Variants in AGO2 observed in about 807,000 individuals in gnomAD.
AGO2 encodes the protein protein argonaute-2.
A neutral mutation model predicts 102.3 loss-of-function variants in AGO2; 5 were observed. The ratio of observed to expected loss-of-function variants is 0.05; its 90% CI spans 0.03 to 0.10. AGO2 has a LOEUF of 0.10. Among genes scored for constraint, AGO2 ranks in the 10% least tolerant of loss-of-function variants. The pLI, the probability that AGO2 is intolerant of heterozygous loss-of-function variation, is 1.00. For missense variants in AGO2, 541 were observed against 1,183.7 expected, an observed-to-expected ratio of 0.46 and a Z score of 7.97; for synonymous variants, 449 against 473.1, an observed-to-expected ratio of 0.95 and a Z score of 0.66.
chr8:140,570,216 G>A (rs1311546839), intron 3 of AGO2, among the ~76,000 whole-genome samples: 2 of 152,194 alleles, frequency 1.3e-5, no homozygotes, highest in Non-Finnish European at 2.9e-5. Context: ...TCTGGGACAT[G>A]AGCTTTTCTT....
At chr8:140,631,254 G>A (rs867803679) in intron 1 of AGO2, among the ~76,000 whole-genome samples, 1 of 152,138 alleles carries the variant, frequency 6.6e-6, no homozygotes, top group South Asian at 2.1e-4. Context: ...GATTTTAAAA[G>A]ACGTAGGCCG....
chr8:140,578,577 G>A (rs1385321468), intron 2 of AGO2, among the ~76,000 whole-genome samples: 2 of 152,238 alleles, frequency 1.3e-5, no homozygotes, highest in African/African-American at 4.8e-5. Context: ...CAGCTCTGCT[G>A]GCCACCCAGG....
chr8:140,625,700 A>G (rs1261016239), intron 1 of AGO2, among the ~76,000 whole-genome samples: 1 of 151,964 alleles, frequency 6.6e-6, no homozygotes, highest in Non-Finnish European at 1.5e-5. Flanking sequence ...CGCATCCCCG[A>G]CCAGATCCTG....
In AGO2 at chr8:140,539,471, G is replaced by C; in HGVS notation, c.2035-17C>G. ...GTGGAGAACCTAGGGGTACGGGAGG[G>C]AGGAGGTTGTGCTTAAAGATGGTAG... On this transcript the variant is annotated splice_polypyrimidine_tract_variant and intron_variant, in intron 15 of 18. Coordinates refer to ENST00000220592, the MANE Select transcript of AGO2 (RefSeq NM_012154.5). The surrounding 1 kb of genome is among the most constrained non-coding windows in gnomAD (Gnocchi z 4.7). The C allele has an allele frequency of 6.2e-7, 1 of 1,603,176 alleles. No individual in the cohort carries two copies.
chr8:140,555,990 G>A lies in AGO2; in HGVS notation c.1175C>T (p.Pro392Leu). ...LMRSASFNTD[P>L]YVREFGIMVK... ...CATGATTCCAAATTCACGGACGTAT[G>A]GATCTGTGTTGAAACTTGCACTTCG... The change falls in exon 10 of 19, where the codon CCA becomes CTA. Residue 392 changes from proline (P) to leucine (L), a missense_variant. By Grantham distance (98) the Pro-to-Leu change is moderately conservative. Transcript: ENST00000220592. The A allele has an allele frequency of 6.2e-7, 1 of 1,614,198 alleles. No homozygotes were observed. The highest frequency in any genetic ancestry group is 8.5e-7 in the Non-Finnish European group (1 of 1,180,036).
upstream of AGO2, among the ~76,000 whole-genome samples, chr8:140,639,976 T>C (rs1224230881): frequency 6.6e-6 from 1 of 152,056 alleles, no homozygotes; most frequent in Admixed American, 6.6e-5. Context: ...GTACTTCATT[T>C]TGGCCCTCTG....
chr8:140,549,043 G>T (rs1314747388), intron 12 of AGO2, 71 bp downstream of exon 12: 51 of 1,508,928 alleles, frequency 3.4e-5, no homozygotes, highest in Non-Finnish European at 4.4e-5. Context: ...ACACAGAGGG[G>T]CTTAGGCAGG....
intron 1 of AGO2, among the ~76,000 whole-genome samples, chr8:140,594,825 C>CTGTGTGTGTGTGTGTG (rs56012516): frequency 0.078 from 11,383 of 145,940 alleles, 578 homozygotes; most frequent in Admixed American, 0.15. Context: ...AAGAAAAAAA[C>CTGTGTGTGTGTGTGTG]TGTGTGTGTG....
At chr8:140,580,117 G>C (rs1027592649) in intron 2 of AGO2, among the ~76,000 whole-genome samples, 1 of 152,214 alleles carries the variant, frequency 6.6e-6, no homozygotes, top group Non-Finnish European at 1.5e-5. Flanking sequence ...ATTCTTTCTC[G>C]GGGCTGGCTC....
chr8:140,631,767 C>T (rs910541083), intron 1 of AGO2, among the ~76,000 whole-genome samples: 26 of 152,146 alleles, frequency 1.7e-4, no homozygotes, highest in African/African-American at 5.3e-4. Flanking sequence ...ATGTTCAAAA[C>T]GTCTCCATTG....
chr8:140,528,690 T>C lies in AGO2; in HGVS notation c.*3354A>G, dbSNP rs1488892610. ...TCAAAAGGCTGCATGTAAAGACTGC[T>C]TGAACCAGAGAAAACCAAAACTTAA... On this transcript the variant is annotated 3_prime_UTR_variant, in exon 19 of 19. Transcript: ENST00000220592. The surrounding 1 kb of genome is among the most constrained non-coding windows in gnomAD (Gnocchi z 4.5). 1 of 152,186 alleles carries C rather than the reference T, an allele frequency of 6.6e-6. No homozygotes were observed. Among genetic ancestry groups the C allele is most frequent in the Admixed American group, 6.5e-5 (1 of 15,280 alleles). 9.4% of individuals were successfully genotyped at this position (152,186 alleles called of 1,614,324 possible). A position where few individuals can be genotyped will look rare whatever the true frequency, so the allele number is the denominator to read the frequency against.
At chr8:140,566,618 T>TTG (rs1491361745) in intron 3 of AGO2, among the ~76,000 whole-genome samples, 18 of 128,536 alleles carry the variant, frequency 1.4e-4, no homozygotes, top group Non-Finnish European at 2.2e-4. Flanking sequence ...TTTTTTTTTT[T>TTG]GGGGGGGGGG....
intron 1 of AGO2, among the ~76,000 whole-genome samples, chr8:140,627,041 C>A (rs906584755): frequency 2.0e-5 from 3 of 152,150 alleles, no homozygotes; most frequent in Non-Finnish European, 4.4e-5. Context: ...CTGATCATCC[C>A]GTCAATCATA....
chr8:140,618,318 T>A (rs2074169114), intron 1 of AGO2, among the ~76,000 whole-genome samples: 1 of 143,420 alleles, frequency 7.0e-6, no homozygotes, highest in African/African-American at 2.6e-5. Context: ...AGACTCCGTC[T>A]CAGGAAAAAA....
Position 140,541,259 on chromosome 8 carries a change from G to A in AGO2, c.1939C>T (p.Arg647Cys), listed in dbSNP as rs1316288839. 1.2e-6 allele frequency: 2 copies of A among 1,613,126 alleles called. No homozygotes were observed. The highest frequency in any genetic ancestry group is 1.3e-5 in the African/African-American group (1 of 74,938). Reference protein sequence around the residue: ...EIIQDLAAMVRELLIQFYKST... With the variant: ...EIIQDLAAMVCELLIQFYKST... ...TTGTAGAACTGGATGAGGAGCTCGC[G>A]GACCATGGCGGCCAGGTCTTGTATG... Residue 647 changes from arginine (R) to cysteine (C), a missense_variant, in exon 15 of 19, where the codon CGC becomes TGC. This residue lies in a region of AGO2 where 309 missense variants were observed against 735.1 expected (regional missense o/e 0.42). Coordinates refer to ENST00000220592, the MANE Select transcript of AGO2 (RefSeq NM_012154.5).
chr8:140,561,924 T>C (rs918962381), intron 4 of AGO2, among the ~76,000 whole-genome samples: 2 of 152,248 alleles, frequency 1.3e-5, no homozygotes, highest in African/African-American at 4.8e-5. Flanking sequence ...AGGAAATTAG[T>C]GCAACCCTCT....
intron 1 of AGO2, among the ~76,000 whole-genome samples, chr8:140,607,436 AC>A (rs1161256486): frequency 7.3e-6 from 1 of 137,092 alleles, no homozygotes. Flanking sequence ...ACCCCGTCTC[AC>A]CCCCACCTCT....
chr8:140,593,620 T>C (rs2073778012), intron 1 of AGO2, among the ~76,000 whole-genome samples: 1 of 151,982 alleles, frequency 6.6e-6, no homozygotes, highest in Non-Finnish European at 1.5e-5. Flanking sequence ...CCTAGTACTT[T>C]TCTCAATATT....
chr8:140,550,226 A>G (rs2072972758), intron 11 of AGO2, among the ~76,000 whole-genome samples: 1 of 152,212 alleles, frequency 6.6e-6, no homozygotes, highest in African/African-American at 2.4e-5. Context: ...GTCAGCTCTG[A>G]GGGCCATGCT....
Sources: gnomAD v4.1 joint callset for allele counts (sites outside exome capture counted in the v4.1 genomes callset) on GRCh38, gnomAD v4.1.1 for gene constraint, gnomAD v4.1.1 regional missense constraint, Gnocchi (gnomAD v3.1) non-coding constraint, MANE v1.5 for transcripts, NCBI Gene and HGNC (gene_info 2026-07-23, HGNC 2026-07-21) for gene names.